Variants in ASAH1 observed in about 807,000 individuals in gnomAD.
The protein encoded by ASAH1 is N-acylsphingosine amidohydrolase 1.
ASAH1 carries 70 observed loss-of-function variants against 59.5 expected under a neutral mutation model. The observed-to-expected ratio is 1.18, with a 90% CI of 0.97 to 1.43. The LOEUF is 1.43. Among genes scored for constraint, ASAH1 ranks in the 40% most tolerant of loss-of-function variants. The probability of loss-of-function intolerance (pLI) is 0.00; values close to 1 mark genes in which losing one functional copy is unlikely to be tolerated. For synonymous variants in ASAH1, 213 were observed against 166.5 expected (o/e 1.28, Z -2.15); for missense variants, 660 against 482.5 (o/e 1.37, Z -3.45).
rs1255151266 is a variant in ASAH1 at position 18,063,182 on chromosome 8, T to C, written c.503+3A>G. The C allele has an allele frequency of 3.7e-6, 6 of 1,613,662 alleles. No homozygotes were observed. Among genetic ancestry groups the C allele is most frequent in the African/African-American group, 1.3e-5 (1 of 74,918 alleles). On this transcript the variant is annotated splice_donor_region_variant and intron_variant, in intron 7 of 13. Coordinates refer to ENST00000637790, the MANE Select transcript of ASAH1 (RefSeq NM_177924.5). ...CATGCCTGACCCTTTGTTCTTTACT[T>C]ACCCAAGAAATACTCCAAAATCCAT...
At chr8:18,074,679 C>T (rs1800319271) in intron 2 of ASAH1, among the ~76,000 whole-genome samples, 1 of 152,060 alleles carries the variant, frequency 6.6e-6, no homozygotes, top group South Asian at 2.1e-4. Flanking sequence ...TTCTCACAGG[C>T]CCATTTAAAC....
chr8:18,079,313 T>G (rs1800551635), intron 1 of ASAH1, among the ~76,000 whole-genome samples: 1 of 151,732 alleles, frequency 6.6e-6, no homozygotes, highest in Non-Finnish European at 1.5e-5. Context: ...GAAAGTGCTT[T>G]TAAAAGACTG....
chr8:18,061,636 T>C (rs1799704027), intron 9 of ASAH1, 50 bp downstream of exon 9: 1 of 1,558,678 alleles, frequency 6.4e-7, no homozygotes, highest in African/African-American at 1.4e-5. Flanking sequence ...CCAGCCTTCC[T>C]CATAAAAAAG....
At chr8:18,076,177 C>T (rs1800397446) in intron 1 of ASAH1, 1 of 155,014 alleles carries the variant, frequency 6.5e-6, no homozygotes, top group Non-Finnish European at 1.4e-5. Context: ...TTTTCCCCAC[C>T]TGGTGAACTG....
At chr8:18,075,839 T>C (rs1333918831) in intron 1 of ASAH1, 8 of 527,792 alleles carry the variant, frequency 1.5e-5, no homozygotes, top group Admixed American at 6.5e-5. Context: ...ATATTTCAAA[T>C]ATATTGAGTA....
intron 1 of ASAH1, among the ~76,000 whole-genome samples, chr8:18,080,009 C>T (rs1486056842): frequency 1.3e-5 from 2 of 152,188 alleles, no homozygotes; most frequent in African/African-American, 2.4e-5. Flanking sequence ...GACGCATTCC[C>T]AGCGTTTAGG....
chr8:18,084,296 G>A (rs35425490), upstream of ASAH1: 61,071 of 1,433,280 alleles, frequency 0.043, 1,767 homozygotes, highest in African/African-American at 0.13. Flanking sequence ...CCTGCAGAAG[G>A]AGAGTCGCGA....
At chr8:18,078,685 C>T (rs1198984569) in intron 1 of ASAH1, among the ~76,000 whole-genome samples, 1 of 152,078 alleles carries the variant, frequency 6.6e-6, no homozygotes, top group Non-Finnish European at 1.5e-5. Context: ...TTACTATCCC[C>T]AAGTTTATAA....
chr8:18,070,775 T>C (rs1224974123), intron 3 of ASAH1, among the ~76,000 whole-genome samples: 1 of 152,080 alleles, frequency 6.6e-6, no homozygotes, highest in African/African-American at 2.4e-5. Flanking sequence ...CAGAAAGGTA[T>C]CAAAAGCACA....
At chr8:18,059,259 T>C (rs1020940508) in intron 12 of ASAH1, 82 bp downstream of exon 12, 36 of 1,601,236 alleles carry the variant, frequency 2.2e-5, no homozygotes, top group African/African-American at 2.0e-4. Flanking sequence ...TATAAATTAC[T>C]TGAAGGCCAA....
At chr8:18,084,778 T>C, upstream of ASAH1, 1 of 1,613,648 alleles carries the variant, frequency 6.2e-7, no homozygotes, top group Non-Finnish European at 8.5e-7. Flanking sequence ...GAGCTTTCTC[T>C]CCCAGCCCGA....
chr8:18,072,493 T>A (rs1183151106), intron 2 of ASAH1, among the ~76,000 whole-genome samples: 2 of 139,960 alleles, frequency 1.4e-5, no homozygotes, highest in Non-Finnish European at 3.2e-5. Flanking sequence ...GACATTCAGG[T>A]TGTGATTTAG....
intron 4 of ASAH1, among the ~76,000 whole-genome samples, chr8:18,069,239 G>T (rs186914433): frequency 1.3e-5 from 2 of 152,082 alleles, no homozygotes; most frequent in East Asian, 3.9e-4. Context: ...AGTTCTAGGG[G>T]CCAGGCCCTA....
At chr8:18,074,567 C>T (rs146552336) in intron 2 of ASAH1, among the ~76,000 whole-genome samples, 11 of 152,246 alleles carry the variant, frequency 7.2e-5, no homozygotes, top group Admixed American at 5.9e-4. Context: ...CTACTTTCAG[C>T]GAAAGGGCAG....
chr8:18,075,018 CAG>C (rs1351932449), intron 2 of ASAH1, among the ~76,000 whole-genome samples: 4 of 122,642 alleles, frequency 3.3e-5, no homozygotes, highest in East Asian at 2.2e-4. Context: ...TTTTTTGAGA[CAG>C]AGTCTCACTC....
rs940125857 is a variant in ASAH1, at chr8:18,064,538, G to C, written c.383-7C>G. 1.3e-6 allele frequency: 2 copies of C among 1,484,076 alleles called. No individual in the cohort carries two copies. The highest frequency in any genetic ancestry group is 1.4e-5 in the African/African-American group (1 of 71,238). The allele number at this position is 1,484,076 out of a possible 1,614,324, so 91.9% of individuals were successfully genotyped here. ...TTGAATGAAATAATCTCTCCTATGA[G>C]AAAAGAAAATTTTGTGTTAATATAC... On this transcript the variant is annotated splice_polypyrimidine_tract_variant and splice_region_variant and intron_variant, in intron 5 of 13. Coordinates refer to ENST00000637790, the MANE Select transcript of ASAH1 (RefSeq NM_177924.5).
chr8:18,074,026 A>G (rs1365267753), intron 2 of ASAH1, among the ~76,000 whole-genome samples: 1 of 149,846 alleles, frequency 6.7e-6, no homozygotes, highest in Non-Finnish European at 1.5e-5. Context: ...ACATGGCAAT[A>G]AGAGTCAGTA....
At chr8:18,081,357 T>C (rs1283587774) in intron 1 of ASAH1, among the ~76,000 whole-genome samples, 3 of 152,176 alleles carry the variant, frequency 2.0e-5, no homozygotes, top group African/African-American at 7.2e-5. Flanking sequence ...AGTCTCCTCA[T>C]ATCTACCCTT....
At position 18,075,273 on chromosome 8, in the gene ASAH1, G is replaced by A. The variant is rs190535419; in HGVS notation, c.125+268C>T. Among the ~76,000 whole-genome samples the A allele has an allele frequency of 2.8e-4, 42 of 152,236 alleles. No individual in the cohort carries two copies. In the East Asian group the frequency reaches 7.3e-3, roughly 27 times the overall value. Reference sequence around the variant, plus strand: ...CTCCCAAAGTGCTGGGATTACAGGCGTGAGCCACCGCGTCTGGCTGAAAAT... The same window carrying A: ...CTCCCAAAGTGCTGGGATTACAGGCATGAGCCACCGCGTCTGGCTGAAAAT... On this transcript the variant is annotated intron_variant, in intron 2 of 13. Coordinates refer to ENST00000637790, the MANE Select transcript of ASAH1 (RefSeq NM_177924.5).
Sources: allele counts gnomAD v4.1 joint callset (sites outside exome capture counted in the v4.1 genomes callset), GRCh38; gene constraint gnomAD v4.1.1; transcripts MANE v1.5; gene names NCBI Gene and HGNC (gene_info 2026-07-23, HGNC 2026-07-21).